KIF5A: variants seen among roughly 807,000 people sequenced by gnomAD.
KIF5A encodes the protein kinesin family member 5A, also known as kinesin heavy chain isoform 5A.
A neutral mutation model predicts 141.3 loss-of-function variants in KIF5A; 35 were observed. The observed-to-expected ratio is 0.25, with a 90% CI of 0.19 to 0.33. The LOEUF (loss-of-function observed/expected upper bound fraction) is 0.33. Ranked by LOEUF, KIF5A falls within the 10% of genes least tolerant of loss-of-function variation. The pLI, the probability that KIF5A is intolerant of heterozygous loss-of-function variation, is 1.00. For missense variants in KIF5A, 861 were observed against 1,314.3 expected (o/e 0.66, Z 5.33); for synonymous variants, 448 against 500.2 (o/e 0.90, Z 1.39).
intron 1 of KIF5A, among the ~76,000 whole-genome samples, chr12:57,559,733 G>A (rs149608915): frequency 2.2e-4 from 34 of 152,252 alleles, no homozygotes; most frequent in African/African-American, 7.5e-4. Flanking sequence ...GGTAGCTGCT[G>A]TTTTGACTTC....
chr12:57,560,018 A>G (rs1201670511), intron 1 of KIF5A, among the ~76,000 whole-genome samples: 1 of 152,126 alleles, frequency 6.6e-6, no homozygotes. Context: ...CAGCCTCCCA[A>G]GTAGCTGAGA....
At chr12:57,582,855 T>A (rs1882648575) in intron 27 of KIF5A, 2 of 634,492 alleles carry the variant, frequency 3.2e-6, no homozygotes, top group Admixed American at 2.6e-5. Context: ...CCTATTCCAG[T>A]GATAAGGTCT....
In KIF5A at chr12:57,576,299, C is replaced by T. The variant is rs756646293; in HGVS notation, c.2119C>T (p.Arg707Trp). Residue 707 changes from arginine (R) to tryptophan (W), a missense_variant, in exon 19 of 29, where the codon CGG (arginine) becomes TGG (tryptophan). This residue lies in a region of KIF5A where 482 missense variants were observed against 661.3 expected (regional missense o/e 0.73). Transcript: ENST00000455537. Reference protein sequence around the residue: ...KALELQMESHREAHHRQLARL... With the variant: ...KALELQMESHWEAHHRQLARL... ...TCTGGAGCTGCAGATGGAGAGTCACCGGGAGGCCCATCACCGGCAGCTGGC... is the reference window on the plus strand; with the variant it reads ...TCTGGAGCTGCAGATGGAGAGTCACTGGGAGGCCCATCACCGGCAGCTGGC... 1.5e-5 allele frequency: 24 copies of T among 1,613,854 alleles called. No individual in the cohort carries two copies. The highest frequency in any genetic ancestry group is 8.8e-5 in the South Asian group (8 of 91,062).
Position 57,581,491 on chromosome 12 carries a change from C to T in KIF5A, c.2832C>T (p.Ile944=), listed in dbSNP as rs114935472. The T allele has an allele frequency of 3.7e-5, 60 of 1,614,104 alleles. No homozygotes were observed. The African/African-American group carries it at 7.7e-4, about 21-fold the overall frequency. ...ATGGCACCCGGAGCCCTGAGTGCATCAGTTACACCAACAGCCTCTTCCAGA... is the reference window on the plus strand; with the variant it reads ...ATGGCACCCGGAGCCCTGAGTGCATTAGTTACACCAACAGCCTCTTCCAGA... ...NPYGTRSPEC[I]SYTNSLFQNY... is the part of the protein sequence containing the mutation. The change falls in exon 25 of 29, where the codon ATC becomes ATT. Residue 944 remains isoleucine (I), a synonymous_variant. Coordinates refer to ENST00000455537, the MANE Select transcript of KIF5A (RefSeq NM_004984.4).
chr12:57,550,609 G>T lies in KIF5A; in HGVS notation c.129+209G>T, dbSNP rs551728784. ...GCGGCCGAGTCTCTGCAGAGTGGCA[G>T]GGGGCTGCTTTCCTACCTTCGGGAG... On this transcript the variant is annotated intron_variant, in intron 1 of 28. Coordinates refer to ENST00000455537, the MANE Select transcript of KIF5A (RefSeq NM_004984.4). The surrounding 1 kb of genome is among the most constrained non-coding windows in gnomAD (Gnocchi z 4.6). 6.6e-6 allele frequency among the ~76,000 whole-genome samples: 1 copy of T among 152,324 alleles called. No homozygotes were observed. Among genetic ancestry groups the T allele is most frequent in the South Asian group, 2.1e-4 (1 of 4,826 alleles).
At chr12:57,574,087 A>C (rs2140166650) in intron 15 of KIF5A, among the ~76,000 whole-genome samples, 1 of 151,672 alleles carries the variant, frequency 6.6e-6, no homozygotes, top group South Asian at 2.1e-4. Context: ...GTCTCAAAAA[A>C]AAAAAAAAAA....
chr12:57,579,893 G>A (rs1369789780), intron 23 of KIF5A, among the ~76,000 whole-genome samples: 2 of 151,934 alleles, frequency 1.3e-5, no homozygotes, highest in Non-Finnish European at 2.9e-5. Flanking sequence ...TCTGTTCAAA[G>A]TCCCAAAAAA....
chr12:57,575,520 C>T, intron 16 of KIF5A, 120 bp from the exon 17 acceptor site: 1 of 961,016 alleles, frequency 1.0e-6, no homozygotes. Flanking sequence ...CAACCCTGCA[C>T]CCTCATGGGA....
intron 13 of KIF5A, 129 bp downstream of exon 13, chr12:57,571,518 C>T (rs971471915): frequency 5.9e-6 from 5 of 852,864 alleles, no homozygotes; most frequent in African/African-American, 3.4e-5. Context: ...CTCCCCTAAA[C>T]AGCAGAAGTC....
At chr12:57,581,382 C>G in intron 24 of KIF5A, 33 bp from the exon 25 acceptor site, 1 of 1,612,660 alleles carries the variant, frequency 6.2e-7, no homozygotes, top group Non-Finnish European at 8.5e-7. Context: ...AGGGTCATAG[C>G]CTCCTCATGG....
intron 6 of KIF5A, among the ~76,000 whole-genome samples, chr12:57,565,472 T>G (rs1882036599): frequency 6.6e-6 from 1 of 151,338 alleles, no homozygotes; most frequent in South Asian, 2.1e-4. Flanking sequence ...CATTGGTCAG[T>G]GTGCATGCAA....
At chr12:57,553,771 C>G (rs532015181) in intron 1 of KIF5A, among the ~76,000 whole-genome samples, 1 of 151,990 alleles carries the variant, frequency 6.6e-6, no homozygotes. Flanking sequence ...CAGGGAGGCT[C>G]GGAGTGTGAT....
intron 1 of KIF5A, among the ~76,000 whole-genome samples, chr12:57,558,079 T>C (rs1196970257): frequency 6.6e-6 from 1 of 152,196 alleles, no homozygotes; most frequent in African/African-American, 2.4e-5. Flanking sequence ...TTTACACAAA[T>C]GGTAGCGTAT....
chr12:57,572,076 C>G lies in KIF5A; in HGVS notation c.1378C>G (p.Arg460Gly). ...LDQEELLVST[R>G]GDNEKVQREL... ...TCCCTTGAAGCTGCTGGTGTCCACC[C>G]GAGGAGACAACGAGAAGGTCCAGCG... The change falls in exon 14 of 29, where the codon CGA becomes GGA. Residue 460 changes from arginine to glycine, a missense_variant. Physicochemically the swap from Arg to Gly is moderately radical, Grantham distance 125. This residue lies in a region of KIF5A where 167 missense variants were observed against 192.0 expected (regional missense o/e 0.87). Transcript: ENST00000455537. This position sits in a 1 kb window ranked among gnomAD's most constrained non-coding sequence, Gnocchi z 4.2. The G allele has an allele frequency of 6.2e-7, 1 of 1,613,396 alleles. No homozygotes were observed. The highest frequency in any genetic ancestry group is 8.5e-7 in the Non-Finnish European group (1 of 1,179,992).
rs748458112 is a variant in KIF5A, at chr12:57,578,014, G to A, written c.2367G>A (p.Arg789=). Residue 789 remains arginine (R), a synonymous_variant, in exon 22 of 29, where the codon CGG becomes CGA. Coordinates refer to ENST00000455537, the MANE Select transcript of KIF5A (RefSeq NM_004984.4). ...DLKGLEETVA[R]ELQTLHNLRK... ...TTTTTCATCATTCTTTCCAGGCCCGGGAACTCCAGACCCTCCACAACCTTC... is the reference window on the plus strand; with the variant it reads ...TTTTTCATCATTCTTTCCAGGCCCGAGAACTCCAGACCCTCCACAACCTTC... 6.2e-7 allele frequency: 1 copy of A among 1,614,024 alleles called. No homozygotes were observed. Among genetic ancestry groups the A allele is most frequent in the South Asian group, 1.1e-5 (1 of 91,078 alleles).
Position 57,567,198 on chromosome 12 carries a change from C to A in KIF5A, c.574C>A (p.His192Asn). Residue 192 changes from histidine to asparagine, a missense_variant, in exon 7 of 29, where the codon CAT becomes AAT. This residue lies in a region of KIF5A where 146 missense variants were observed against 353.4 expected (regional missense o/e 0.41). Coordinates refer to ENST00000455537, the MANE Select transcript of KIF5A (RefSeq NM_004984.4). ...GATTGATGAAGGGAAATCAAATCGT[C>A]ATGTGGCTGTCACCAGTGAGTGAGG... Reference protein sequence around the residue: ...DVIDEGKSNRHVAVTNMNEHS... With the variant: ...DVIDEGKSNRNVAVTNMNEHS... The A allele has an allele frequency of 6.2e-7, 1 of 1,612,526 alleles. No homozygotes were observed. Among genetic ancestry groups the A allele is most frequent in the South Asian group, 1.1e-5 (1 of 91,022 alleles).
At chr12:57,581,979 C>A in intron 26 of KIF5A, 27 bp downstream of exon 26, 7 of 1,567,898 alleles carry the variant, frequency 4.5e-6, no homozygotes, top group Non-Finnish European at 6.2e-6. Context: ...GGTAATCCCA[C>A]CTTTGGGGTC....
intron 8 of KIF5A, among the ~76,000 whole-genome samples, 186 bp downstream of exon 8, chr12:57,567,804 G>A (rs768134549): frequency 2.6e-5 from 4 of 151,770 alleles, no homozygotes; most frequent in Non-Finnish European, 5.9e-5. Flanking sequence ...GGGATTACAG[G>A]TGCCCACCAC....
chr12:57,569,939 T>G (rs992939222), intron 11 of KIF5A, 48 bp from the exon 12 acceptor site: 9 of 1,597,456 alleles, frequency 5.6e-6, no homozygotes, highest in Non-Finnish European at 7.7e-6. Context: ...AACTCGTGGA[T>G]GCAGCTTCTT....
Sources: allele counts gnomAD v4.1 joint callset (sites outside exome capture counted in the v4.1 genomes callset), GRCh38; gene constraint gnomAD v4.1.1; regional missense constraint gnomAD v4.1.1; non-coding constraint Gnocchi (gnomAD v3.1); transcripts MANE v1.5; gene names NCBI Gene and HGNC (gene_info 2026-07-23, HGNC 2026-07-21).